Variants in DIP2C observed in about 807,000 individuals in gnomAD.
DIP2C encodes DIP2 acetate--CoA ligase C (putative).
In DIP2C, 33 loss-of-function variants were observed where a neutral mutation model predicts 192.4. The observed-to-expected ratio is 0.17, with a 90% CI of 0.13 to 0.23. DIP2C has a LOEUF of 0.23. DIP2C is among the 10% of genes least tolerant of loss of function. DIP2C has a pLI of 1.00. For synonymous variants in DIP2C, 979 were observed against 864.1 expected (o/e 1.13, Z -2.33); for missense variants, 1,537 against 2,110.1 (o/e 0.73, Z 5.32).
intron 31 of DIP2C, among the ~76,000 whole-genome samples, chr10:311,337 C>T (rs960008755): frequency 1.3e-5 from 2 of 152,228 alleles, no homozygotes; most frequent in Non-Finnish European, 2.9e-5. Flanking sequence ...CCACTGACCG[C>T]GCACCCCGGG....
chr10:494,070 G>A (rs145088740), intron 1 of DIP2C, among the ~76,000 whole-genome samples: 44 of 152,322 alleles, frequency 2.9e-4, no homozygotes, highest in Admixed American at 1.0e-3. Context: ...GGACCACCCC[G>A]AGGTGAGTGG....
At chr10:341,937 A>G (rs1958166863) in intron 28 of DIP2C, among the ~76,000 whole-genome samples, 2 of 152,182 alleles carry the variant, frequency 1.3e-5, no homozygotes, top group Admixed American at 1.3e-4. Flanking sequence ...CCTGGCCCCA[A>G]AGGCCCAAAG....
At chr10:408,659 G>C (rs751405011) in intron 9 of DIP2C, among the ~76,000 whole-genome samples, 1 of 152,182 alleles carries the variant, frequency 6.6e-6, no homozygotes, top group Non-Finnish European at 1.5e-5. Flanking sequence ...ATAAATGCAA[G>C]AAAACCAGCT....
intron 29 of DIP2C, chr10:340,955 G>C: frequency 3.3e-6 from 2 of 609,438 alleles, no homozygotes; most frequent in South Asian, 3.0e-5. Context: ...AGAAATAAAG[G>C]TCCGCAACAG....
intron 24 of DIP2C, among the ~76,000 whole-genome samples, chr10:351,217 C>T (rs2132645525): frequency 6.6e-6 from 1 of 152,290 alleles, no homozygotes; most frequent in Middle Eastern, 3.4e-3. Flanking sequence ...GGCTATTCAT[C>T]GGCGATGCTG....
At chr10:579,590 G>A (rs1850448835) in intron 1 of DIP2C, among the ~76,000 whole-genome samples, 1 of 151,944 alleles carries the variant, frequency 6.6e-6, no homozygotes, top group Admixed American at 6.5e-5. Flanking sequence ...CATGCATAGA[G>A]CATACACATC....
intron 4 of DIP2C, among the ~76,000 whole-genome samples, chr10:440,131 G>T (rs552708152): frequency 6.6e-6 from 1 of 152,230 alleles, no homozygotes; most frequent in South Asian, 2.1e-4. Flanking sequence ...TAATTATTTG[G>T]GCAGAGAAAA....
chr10:578,322 C>G (rs1237174394), intron 1 of DIP2C, among the ~76,000 whole-genome samples: 1 of 152,164 alleles, frequency 6.6e-6, no homozygotes, highest in Admixed American at 6.5e-5. Context: ...GAATAAAGAA[C>G]AGTAGAAAAT....
chr10:328,314 A>G (rs1957362813), intron 30 of DIP2C, among the ~76,000 whole-genome samples: 1 of 152,200 alleles, frequency 6.6e-6, no homozygotes, highest in East Asian at 1.9e-4. Flanking sequence ...GAAGCCAAAG[A>G]TTCTAAATTT....
chr10:343,511 G>A (rs191386666), intron 28 of DIP2C, among the ~76,000 whole-genome samples: 57 of 152,272 alleles, frequency 3.7e-4, no homozygotes, highest in African/African-American at 5.1e-4. Flanking sequence ...AGAAGGTTTC[G>A]TAACTGTTTT....
At chr10:353,442 G>A (rs1179332190) in intron 24 of DIP2C, among the ~76,000 whole-genome samples, 2 of 152,244 alleles carry the variant, frequency 1.3e-5, no homozygotes, top group African/African-American at 2.4e-5. Flanking sequence ...AGGTTGGAGT[G>A]CAGTGGCATG....
chr10:436,338 A>G lies in DIP2C; in HGVS notation c.394+4533T>C, dbSNP rs117579530. 8.5e-4 allele frequency among the ~76,000 whole-genome samples: 129 copies of G among 152,368 alleles called. 2 individuals are homozygous for G. The South Asian group carries it at 0.015, about 18-fold the overall frequency. On this transcript the variant is annotated intron_variant, in intron 4 of 36. Transcript: ENST00000280886. Reference sequence around the variant, plus strand: ...GAAGCTTTCCAGCTCTTGTTTTAGCAGGCAGCGCAGGCACTGCTGGGTCAT... The same window carrying G: ...GAAGCTTTCCAGCTCTTGTTTTAGCGGGCAGCGCAGGCACTGCTGGGTCAT...
chr10:485,275 A>G (rs551720656), intron 2 of DIP2C, among the ~76,000 whole-genome samples: 7 of 152,372 alleles, frequency 4.6e-5, no homozygotes, highest in Middle Eastern at 3.4e-3. Flanking sequence ...GGGAACTCAC[A>G]GGGACAGGGC....
At chr10:678,648 G>A (rs1245314311) in intron 1 of DIP2C, among the ~76,000 whole-genome samples, 484 of 13,680 alleles carry the variant, frequency 0.035, 6 homozygotes, top group Middle Eastern at 0.12. Context: ...CATGCTCCCC[G>A]CACCTGTCCT....
intron 22 of DIP2C, among the ~76,000 whole-genome samples, chr10:361,944 A>T (rs545236529): frequency 6.6e-6 from 1 of 151,728 alleles, no homozygotes; most frequent in South Asian, 2.1e-4. Flanking sequence ...CGAGAACAAC[A>T]GTGTGGGGGG....
At chr10:650,201 G>A (rs1483992869) in intron 1 of DIP2C, 7 of 717,364 alleles carry the variant, frequency 9.8e-6, no homozygotes, top group Non-Finnish European at 1.6e-5. Context: ...GGGTGGTGCT[G>A]GGGAGGCCAC....
At chr10:522,988 G>A (rs529085914) in intron 1 of DIP2C, among the ~76,000 whole-genome samples, 4 of 151,894 alleles carry the variant, frequency 2.6e-5, no homozygotes, top group African/African-American at 9.7e-5. Context: ...ACGCTGGAGT[G>A]AGGATGCACG....
chr10:609,694 T>TCA (rs1437913424), intron 1 of DIP2C, among the ~76,000 whole-genome samples: 1 of 152,220 alleles, frequency 6.6e-6, no homozygotes, highest in Non-Finnish European at 1.5e-5. Flanking sequence ...ATAAAATACA[T>TCA]CACCTTTCCA....
chr10:353,758 T>C (rs1416738971), intron 24 of DIP2C, among the ~76,000 whole-genome samples: 2 of 152,152 alleles, frequency 1.3e-5, no homozygotes, highest in African/African-American at 4.8e-5. Flanking sequence ...CGTGCATCCT[T>C]GATGGAAGCA....
Sources: gnomAD v4.1 joint callset for allele counts (sites outside exome capture counted in the v4.1 genomes callset) on GRCh38, gnomAD v4.1.1 for gene constraint, MANE v1.5 for transcripts, NCBI Gene and HGNC (gene_info 2026-07-23, HGNC 2026-07-21) for gene names.